Variants in ABCB11 observed in about 807,000 individuals in gnomAD.
ABCB11 encodes bile salt export pump.
In ABCB11, 95 loss-of-function variants were observed where a neutral mutation model predicts 148.0. The ratio of observed to expected loss-of-function variants is 0.64; its 90% CI spans 0.54 to 0.76. The LOEUF (loss-of-function observed/expected upper bound fraction) is 0.76. Among genes scored for constraint, ABCB11 ranks in the 30% least tolerant of loss-of-function variants. The pLI, the probability that ABCB11 is intolerant of heterozygous loss-of-function variation, is 0.00. For missense variants in ABCB11, 1,523 were observed against 1,617.8 expected (o/e 0.94, Z 1.01); for synonymous variants, 591 against 555.4 (o/e 1.06, Z -0.90).
chr2:168,975,965 A>G lies in ABCB11; in HGVS notation c.1308+612T>C, dbSNP rs1204042638. 9.9e-5 allele frequency among the ~76,000 whole-genome samples: 15 copies of G among 151,990 alleles called. No homozygotes were observed. The Admixed American group carries it at 9.9e-4, about 10-fold the overall frequency. ...GTCTAATTTCAAAGCCAATTTATTC[A>G]GGGGTAGTAGATCCTAATTTTCTTG... On this transcript the variant is annotated intron_variant, in intron 12 of 27. Coordinates refer to ENST00000650372, the MANE Select transcript of ABCB11 (RefSeq NM_003742.4).
chr2:169,014,287 AAC>A lies in ABCB11; in HGVS notation c.150+14_150+15del, dbSNP rs1481025954. The A allele has an allele frequency of 9.9e-6, 16 of 1,610,804 alleles. No homozygotes were observed. The East Asian group carries it at 1.8e-4, about 18-fold the overall frequency. ...AGCTGCACACCCACTGCCATAAATC[AAC>A]ACAGTTTTATTACCAATTGAAAGAA... On this transcript the variant is annotated intron_variant, in intron 4 of 27. Transcript: ENST00000650372.
Position 168,944,847 on chromosome 2 carries a change from C to A in ABCB11, c.2448+10G>T, listed in dbSNP as rs747065554. The A allele has an allele frequency of 3.1e-5, 50 of 1,596,856 alleles. No homozygotes were observed. The highest frequency in any genetic ancestry group is 4.2e-5 in the Non-Finnish European group (49 of 1,171,244). ...AACTAAATCACTTACTGAAAAATAA[C>A]ATTTCTTACCTGTAGAAATTGGGTG... On this transcript the variant is annotated intron_variant, in intron 20 of 27. Transcript: ENST00000650372.
chr2:168,999,596 T>A (rs1442008398), intron 5 of ABCB11, among the ~76,000 whole-genome samples: 1 of 152,138 alleles, frequency 6.6e-6, no homozygotes, highest in Non-Finnish European at 1.5e-5. Flanking sequence ...TAGAACCTTT[T>A]GGGGTTGGCT....
rs773299323 is a variant in ABCB11 at position 168,973,810 on chromosome 2, G to A, written c.1339C>T (p.Pro447Ser). 1.2e-6 allele frequency: 2 copies of A among 1,611,958 alleles called. No individual in the cohort carries two copies. Among genetic ancestry groups the A allele is most frequent in the East Asian group, 4.5e-5 (2 of 44,802 alleles). ...ILNDLNMVIKPGEMTALVGPS... is the reference protein window; with the variant it reads ...ILNDLNMVIKSGEMTALVGPS... The stretch of plus-strand genomic sequence containing the variant: ...CCTACCAGAGCTGTCATTTCCCCTG[G>A]TTTAATGACCATGTTGAGGTCATTT... The change falls in exon 13 of 28, where the codon CCA becomes TCA. Residue 447 changes from proline to serine, a missense_variant. Transcript: ENST00000650372.
intron 2 of ABCB11, 83 bp from the exon 3 acceptor site, chr2:169,016,882 A>G (rs1234174789): frequency 1.9e-6 from 2 of 1,030,564 alleles, no homozygotes; most frequent in African/African-American, 1.6e-5. Context: ...TTTGCTCTAG[A>G]AAAATATTCC....
At chr2:168,984,326 A>G (rs1038018462) in intron 10 of ABCB11, among the ~76,000 whole-genome samples, 68 of 152,142 alleles carry the variant, frequency 4.5e-4, no homozygotes, top group Non-Finnish European at 1.6e-4. Context: ...AAATCCCATC[A>G]AGGCAAAAAA....
rs151195688 is a variant in ABCB11, at chr2:168,930,651, G to A, written c.3411+14C>T. 10 of 1,484,154 alleles carry A rather than the reference G, an allele frequency of 6.7e-6. No individual in the cohort carries two copies. Among genetic ancestry groups the A allele is most frequent in the South Asian group, 3.0e-5 (2 of 66,996 alleles). The allele number at this position is 1,484,154 out of a possible 1,614,324, so 91.9% of individuals were successfully genotyped here. ...TGCAGAAGGCAAAATTCTCAAAAAG[G>A]TTGCGTGGCTTACCACCTTCCCTTG... On this transcript the variant is annotated intron_variant, in intron 25 of 27. Coordinates refer to ENST00000650372, the MANE Select transcript of ABCB11 (RefSeq NM_003742.4).
At chr2:168,968,698 T>A (rs765937205) in intron 16 of ABCB11, among the ~76,000 whole-genome samples, 22 of 151,892 alleles carry the variant, frequency 1.4e-4, no homozygotes, top group Non-Finnish European at 3.1e-4. Context: ...CTGAGTCATT[T>A]AAACCATACA....
chr2:168,970,932 G>C lies in ABCB11; in HGVS notation c.1639-717C>G, dbSNP rs555189077. Among the ~76,000 whole-genome samples, 4 of 152,096 alleles carry C rather than the reference G, an allele frequency of 2.6e-5. No individual in the cohort carries two copies. In the East Asian group the frequency reaches 7.8e-4, roughly 30 times the overall value. On this transcript the variant is annotated intron_variant, in intron 14 of 27. Transcript: ENST00000650372. ...GTTTGTAAAGCTTGTAAATAGAGAA[G>C]CTGGGATTTGTATCAAGGCAATCTG...
chr2:169,021,258 C>T (rs1450411972), intron 1 of ABCB11, among the ~76,000 whole-genome samples: 1 of 152,076 alleles, frequency 6.6e-6, no homozygotes, highest in Non-Finnish European at 1.5e-5. Context: ...CCACCACACC[C>T]AGCCAATCCA....
In ABCB11 at chr2:168,921,863, CT is replaced by C. The variant is rs58414999; in HGVS notation, c.*1758del. Among the ~76,000 whole-genome samples the C allele has an allele frequency of 2.4e-3, 297 of 123,824 alleles. 1 individual carries two copies. The Middle Eastern group carries it at 0.034, about 14-fold the overall frequency. 81.2% of individuals were successfully genotyped at this position (123,824 alleles called of 152,430 possible). ...CTTGACCTCTTTTCTTTTTCTTTTT[CT>C]TTTTTTTTTTTTTTCGCTCTGTCGC... On this transcript the variant is annotated 3_prime_UTR_variant, in exon 28 of 28. Transcript: ENST00000650372.
chr2:168,949,488 G>T (rs1692466919), intron 19 of ABCB11, among the ~76,000 whole-genome samples: 1 of 151,496 alleles, frequency 6.6e-6, no homozygotes, highest in Non-Finnish European at 1.5e-5. Flanking sequence ...TTCACTTAGG[G>T]TAATGTCCTC....
chr2:168,981,645 T>C (rs1046800695), intron 10 of ABCB11, among the ~76,000 whole-genome samples: 3 of 152,062 alleles, frequency 2.0e-5, no homozygotes, highest in African/African-American at 7.2e-5. Flanking sequence ...ATGGTCCAAT[T>C]TAGTTTAAGA....
chr2:169,023,462 G>T (rs772337632), intron 1 of ABCB11, among the ~76,000 whole-genome samples: 6 of 152,162 alleles, frequency 3.9e-5, no homozygotes, highest in Admixed American at 6.5e-5. Flanking sequence ...GCAGAGATAT[G>T]TGTAAGCTTG....
At chr2:169,003,748 A>C (rs11884980) in intron 5 of ABCB11, among the ~76,000 whole-genome samples, 3,543 of 152,234 alleles carry the variant, frequency 0.023, 136 homozygotes, top group African/African-American at 0.08. Flanking sequence ...CATTCATGCC[A>C]ACATCTATTC....
At chr2:169,023,236 T>C (rs1429127336) in intron 1 of ABCB11, among the ~76,000 whole-genome samples, 1 of 152,186 alleles carries the variant, frequency 6.6e-6, no homozygotes, top group Non-Finnish European at 1.5e-5. Flanking sequence ...ATTTAAAAAA[T>C]AATTAACAAT....
At chr2:168,943,358 C>T (rs1407492668) in intron 21 of ABCB11, among the ~76,000 whole-genome samples, 1 of 151,708 alleles carries the variant, frequency 6.6e-6, no homozygotes, top group African/African-American at 2.4e-5. Context: ...ATTTTGAGAA[C>T]TAAGAAAATA....
chr2:168,962,680 A>T (rs1366795575), intron 18 of ABCB11, among the ~76,000 whole-genome samples: 1 of 151,726 alleles, frequency 6.6e-6, no homozygotes, highest in East Asian at 2.0e-4. Flanking sequence ...TAGAAATGTC[A>T]ATGTAGTGTT....
intron 21 of ABCB11, among the ~76,000 whole-genome samples, chr2:168,941,901 A>G (rs1692078821): frequency 6.6e-6 from 1 of 152,078 alleles, no homozygotes; most frequent in Admixed American, 6.6e-5. Context: ...AGTATAGTGT[A>G]AACACAACTT....
Sources: allele counts gnomAD v4.1 joint callset (sites outside exome capture counted in the v4.1 genomes callset), GRCh38; gene constraint gnomAD v4.1.1; transcripts MANE v1.5; gene names NCBI Gene and HGNC (gene_info 2026-07-23, HGNC 2026-07-21).